The following PTPRG variants were observed in gnomAD, a reference collection of about 807,000 sequenced individuals.
PTPRG encodes the protein protein tyrosine phosphatase receptor type G, also known as receptor-type tyrosine-protein phosphatase gamma.
PTPRG carries 102 observed loss-of-function variants against 165.3 expected under a neutral mutation model. The observed-to-expected ratio is 0.62, with a 90% CI of 0.53 to 0.73. The LOEUF (loss-of-function observed/expected upper bound fraction) is 0.73. Ranked by LOEUF, PTPRG falls within the 30% of genes least tolerant of loss-of-function variation. The pLI is 0.00. For missense variants in PTPRG, 1,866 were observed against 1,861.4 expected, an observed-to-expected ratio of 1.00 and a Z score of -0.05; for synonymous variants, 675 against 669.5, an observed-to-expected ratio of 1.01 and a Z score of -0.13.
intron 1 of PTPRG, among the ~76,000 whole-genome samples, chr3:61,614,066 A>G (rs1701245594): frequency 6.6e-6 from 1 of 152,124 alleles, no homozygotes; most frequent in Admixed American, 6.5e-5. Context: ...CCTTTTAGAA[A>G]CATCTTCCTA....
In PTPRG at chr3:61,748,861, G is replaced by T. The variant is rs748654158; in HGVS notation, c.86-17G>T. ...GGGTGCTGCCTTTGTCTCATTGTGG[G>T]TTTTCCTCTCTTCCAGCGTTGACAG... On this transcript the variant is annotated splice_polypyrimidine_tract_variant and intron_variant, in intron 1 of 29. Coordinates refer to ENST00000474889, the MANE Select transcript of PTPRG (RefSeq NM_002841.4). 14 of 1,608,902 alleles carry T rather than the reference G, an allele frequency of 8.7e-6. No homozygotes were observed. The highest frequency in any genetic ancestry group is 1.1e-5 in the Non-Finnish European group (13 of 1,176,800).
In PTPRG at chr3:62,267,820, G is replaced by A; in HGVS notation, c.2874+1G>A. ...TACGAACCTTGTGGAAAAAGGAAGA[G>A]TAAGAGCCTTTTGACTCACTATCTT... On this transcript the variant is annotated splice_donor_variant, in intron 19 of 29. Coordinates refer to ENST00000474889, the MANE Select transcript of PTPRG (RefSeq NM_002841.4). LOFTEE classifies it high-confidence loss of function. 1 of 1,611,962 alleles carries A rather than the reference G, an allele frequency of 6.2e-7. No individual in the cohort carries two copies.
chr3:61,826,831 G>GTT lies in PTPRG; in HGVS notation c.190+77865_190+77866dup, dbSNP rs71629146. On this transcript the variant is annotated intron_variant, in intron 2 of 29. Coordinates refer to ENST00000474889, the MANE Select transcript of PTPRG (RefSeq NM_002841.4). ...TATAAAACGTTCTAAAAATGGAAAG[G>GTT]TTTTTTTTTTTTTTTTTCCGATTAT... 8.8e-4 allele frequency among the ~76,000 whole-genome samples: 117 copies of GTT among 133,446 alleles called. 1 individual carries two copies. Among genetic ancestry groups the GTT allele is most frequent in the African/African-American group, 2.3e-3 (86 of 36,818 alleles). The allele number at this position is 133,446 out of a possible 152,430, so 87.5% of individuals were successfully genotyped here. A position where few individuals can be genotyped will look rare whatever the true frequency, so the allele number is the denominator to read the frequency against.
intron 2 of PTPRG, among the ~76,000 whole-genome samples, chr3:61,962,598 T>G (rs377609407): frequency 1.3e-5 from 2 of 152,204 alleles, no homozygotes; most frequent in Admixed American, 6.5e-5. Flanking sequence ...AAACACACCC[T>G]TTGGGAAGTA....
chr3:61,755,814 A>T (rs1190543484), intron 2 of PTPRG, among the ~76,000 whole-genome samples: 2 of 152,216 alleles, frequency 1.3e-5, no homozygotes, highest in Non-Finnish European at 2.9e-5. Flanking sequence ...TTATGATATT[A>T]TTCTACTAGT....
At chr3:61,790,361 T>C (rs2034835133) in intron 2 of PTPRG, among the ~76,000 whole-genome samples, 1 of 152,230 alleles carries the variant, frequency 6.6e-6, no homozygotes, top group Non-Finnish European at 1.5e-5. Flanking sequence ...CATCACTATC[T>C]TGGGCATCTA....
intron 2 of PTPRG, among the ~76,000 whole-genome samples, chr3:61,979,378 C>G (rs1043393478): frequency 3.9e-5 from 6 of 152,168 alleles, no homozygotes; most frequent in African/African-American, 1.2e-4. Flanking sequence ...TTGCCTTACC[C>G]TAGTCCTATC....
chr3:62,172,628 C>T (rs1267211290), intron 8 of PTPRG, among the ~76,000 whole-genome samples: 1 of 152,138 alleles, frequency 6.6e-6, no homozygotes, highest in African/African-American at 2.4e-5. Context: ...AAGATGCTGA[C>T]ACATCATCAA....
At chr3:61,688,268 A>C (rs1425331050) in intron 1 of PTPRG, among the ~76,000 whole-genome samples, 1 of 152,160 alleles carries the variant, frequency 6.6e-6, no homozygotes, top group African/African-American at 2.4e-5. Flanking sequence ...GTTGCCCTGG[A>C]GAATTGTTTC....
chr3:62,073,539 C>G (rs560510138), intron 4 of PTPRG, among the ~76,000 whole-genome samples: 1 of 151,784 alleles, frequency 6.6e-6, no homozygotes, highest in Non-Finnish European at 1.5e-5. Flanking sequence ...AGTGCAGTGG[C>G]GCAATCTCGG....
At chr3:61,589,870 G>A (rs969928485) in intron 1 of PTPRG, among the ~76,000 whole-genome samples, 12 of 152,150 alleles carry the variant, frequency 7.9e-5, no homozygotes, top group Non-Finnish European at 1.6e-4. Context: ...ATATGGATGT[G>A]TAGTCAGGGT....
At chr3:61,786,698 CATG>C (rs1461163697) in intron 2 of PTPRG, among the ~76,000 whole-genome samples, 1 of 152,154 alleles carries the variant, frequency 6.6e-6, no homozygotes, top group Non-Finnish European at 1.5e-5. Flanking sequence ...ACTTATGTCT[CATG>C]ATGTTTTTAA....
chr3:61,836,053 C>G (rs1189979694), intron 2 of PTPRG, among the ~76,000 whole-genome samples: 4 of 94,458 alleles, frequency 4.2e-5, no homozygotes, highest in Admixed American at 1.0e-4. Flanking sequence ...CCCCCGCGCC[C>G]CCCCCCACCA....
At chr3:62,192,325 A>G (rs900956701) in intron 9 of PTPRG, among the ~76,000 whole-genome samples, 3 of 150,780 alleles carry the variant, frequency 2.0e-5, no homozygotes, top group African/African-American at 7.3e-5. Context: ...CCAACACACA[A>G]GCCCCTTCAG....
chr3:62,160,529 C>G (rs1015352116), intron 7 of PTPRG, among the ~76,000 whole-genome samples: 1 of 152,260 alleles, frequency 6.6e-6, no homozygotes, highest in Non-Finnish European at 1.5e-5. Context: ...GCAGCACTCT[C>G]GGCCCTTCTG....
At chr3:61,629,739 A>G (rs1701715549) in intron 1 of PTPRG, among the ~76,000 whole-genome samples, 1 of 152,162 alleles carries the variant, frequency 6.6e-6, no homozygotes, top group Non-Finnish European at 1.5e-5. Context: ...AAAAGGGTAA[A>G]AGTTTACTGT....
intron 2 of PTPRG, among the ~76,000 whole-genome samples, chr3:61,828,175 A>G (rs945969903): frequency 3.3e-5 from 5 of 151,890 alleles, no homozygotes; most frequent in African/African-American, 4.8e-5. Context: ...TACATAGTTT[A>G]TTTATTCTAA....
chr3:61,908,941 A>G (rs1199167433), intron 2 of PTPRG, among the ~76,000 whole-genome samples: 2 of 152,156 alleles, frequency 1.3e-5, no homozygotes, highest in Non-Finnish European at 2.9e-5. Flanking sequence ...GAGATTTCCT[A>G]CTGTTCCTTT....
intron 2 of PTPRG, among the ~76,000 whole-genome samples, chr3:61,856,404 C>G (rs914596401): frequency 3.9e-5 from 6 of 152,142 alleles, no homozygotes; most frequent in Non-Finnish European, 8.8e-5. Context: ...ATTTTAAGCT[C>G]TAGCATAAGA....
Sources: gnomAD v4.1 joint callset for allele counts (sites outside exome capture counted in the v4.1 genomes callset) on GRCh38, gnomAD v4.1.1 for gene constraint, MANE v1.5 for transcripts, NCBI Gene and HGNC (gene_info 2026-07-23, HGNC 2026-07-21) for gene names.